Variants in N4BP2L2 observed in about 807,000 individuals in gnomAD.
The protein encoded by N4BP2L2 is NEDD4 binding protein 2 like 2, also known as NEDD4-binding protein 2-like 2.
A neutral mutation model predicts 56.2 loss-of-function variants in N4BP2L2; 50 were observed. The observed-to-expected ratio is 0.89, with a 90% CI of 0.71 to 1.13. The LOEUF is 1.13. Among genes scored for constraint, N4BP2L2 ranks in the 50% most tolerant of loss-of-function variants. N4BP2L2 has a pLI of 0.00. For synonymous variants in N4BP2L2, 203 were observed against 223.6 expected, an observed-to-expected ratio of 0.91 and a Z score of 0.82; for missense variants, 689 against 693.8, an observed-to-expected ratio of 0.99 and a Z score of 0.08.
chr13:32,439,841 T>C (rs535018718), intron 7 of N4BP2L2, among the ~76,000 whole-genome samples: 1 of 130,606 alleles, frequency 7.7e-6, no homozygotes. Context: ...TGAAACCCCA[T>C]CTCTATTAAG....
At chr13:32,505,513 T>C (rs2090791985), downstream of N4BP2L2, 1 of 152,222 alleles carries the variant, frequency 6.6e-6, no homozygotes, top group Non-Finnish European at 1.5e-5. Flanking sequence ...AATTCCTTCT[T>C]AAATTTCTCT....
intron 1 of N4BP2L2, among the ~76,000 whole-genome samples, chr13:32,537,340 C>A (rs779760248): frequency 5.9e-5 from 9 of 151,826 alleles, no homozygotes; most frequent in Non-Finnish European, 1.2e-4. Context: ...TTAAGTATGT[C>A]TGTAAAGTTG....
At chr13:32,510,288 A>G (rs2091567390), downstream of N4BP2L2, 1 of 152,100 alleles carries the variant, frequency 6.6e-6, no homozygotes, top group Admixed American at 6.5e-5. Context: ...AATCCAACTT[A>G]ACATAATTTA....
At chr13:32,435,549 T>C (rs575095886) in intron 9 of N4BP2L2, among the ~76,000 whole-genome samples, 7 of 152,260 alleles carry the variant, frequency 4.6e-5, no homozygotes, top group Admixed American at 1.3e-4. Flanking sequence ...TGCTGAATAA[T>C]TGAATGAATG....
chr13:32,435,431 G>A (rs577466696), intron 9 of N4BP2L2, among the ~76,000 whole-genome samples: 1 of 152,028 alleles, frequency 6.6e-6, no homozygotes, highest in African/African-American at 2.4e-5. Context: ...ACGGGGTTTT[G>A]CCATGTTGGC....
intron 3 of N4BP2L2, chr13:32,527,170 A>C: frequency 2.4e-6 from 1 of 425,524 alleles, no homozygotes; most frequent in East Asian, 4.2e-5. Flanking sequence ...ATACTGATAA[A>C]CTATTTACAG....
At chr13:32,530,325 T>C (rs1315583452) in intron 2 of N4BP2L2, among the ~76,000 whole-genome samples, 1 of 152,206 alleles carries the variant, frequency 6.6e-6, no homozygotes, top group Non-Finnish European at 1.5e-5. Context: ...AAGCTTTATT[T>C]TATGGACTTA....
At chr13:32,531,994 C>A (rs992222074) in intron 2 of N4BP2L2, among the ~76,000 whole-genome samples, 4 of 152,208 alleles carry the variant, frequency 2.6e-5, no homozygotes, top group African/African-American at 9.6e-5. Flanking sequence ...TTGACCTTTG[C>A]TTTTGGTCTT....
chr13:32,483,930 G>A (rs1171265070), intron 6 of N4BP2L2, among the ~76,000 whole-genome samples: 2 of 149,458 alleles, frequency 1.3e-5, no homozygotes, highest in Non-Finnish European at 3.0e-5. Context: ...GTTGCAGTGA[G>A]TCAAGATCAC....
exon 2 of N4BP2L2, chr13:32,536,883 T>C (rs752573978): frequency 1.9e-6 from 3 of 1,614,120 alleles, no homozygotes; most frequent in South Asian, 1.1e-5. Context: ...TTTCCAGTTT[T>C]CTCTTGGATT....
At chr13:32,509,018 CAAATCT>C (rs1593964075), downstream of N4BP2L2, 1 of 152,142 alleles carries the variant, frequency 6.6e-6, no homozygotes, top group South Asian at 2.1e-4. Flanking sequence ...TCATAAACCA[CAAATCT>C]AAAGACTACT....
At chr13:32,481,201 T>A (rs1163924941) in intron 6 of N4BP2L2, among the ~76,000 whole-genome samples, 2 of 151,230 alleles carry the variant, frequency 1.3e-5, no homozygotes, top group Non-Finnish European at 2.9e-5. Context: ...TAAATATCTT[T>A]AGGATTAAAA....
At chr13:32,529,787 G>A (rs1264800332) in intron 2 of N4BP2L2, among the ~76,000 whole-genome samples, 2 of 150,778 alleles carry the variant, frequency 1.3e-5, no homozygotes, top group Admixed American at 6.6e-5. Flanking sequence ...GTGCAGTGGT[G>A]TGATCTCGGC....
chr13:32,459,624 G>A (rs2079638997), intron 6 of N4BP2L2, among the ~76,000 whole-genome samples: 1 of 151,990 alleles, frequency 6.6e-6, no homozygotes, highest in African/African-American at 2.4e-5. Context: ...TATGAGATTG[G>A]ATCAGTAATA....
At chr13:32,526,928 ATG>A (rs1274439997) in intron 3 of N4BP2L2, 2 of 145,670 alleles carry the variant, frequency 1.4e-5, no homozygotes, top group East Asian at 2.1e-4. Flanking sequence ...AAATTGACCC[ATG>A]TCCGCTAAAA....
chr13:32,535,637 CAA>C (rs1566194948), intron 2 of N4BP2L2, 130 bp downstream of exon 2: 7 of 906,412 alleles, frequency 7.7e-6, no homozygotes, highest in Non-Finnish European at 1.1e-5. Context: ...CTCCTGAGCT[CAA>C]GTGACTGGTC....
rs183752936 is a variant in N4BP2L2 at position 32,435,079 on chromosome 13, T to C, written c.*21+1282A>G. Among the ~76,000 whole-genome samples the C allele has an allele frequency of 6.0e-4, 91 of 152,208 alleles. 1 individual carries two copies. In the South Asian group the frequency reaches 6.2e-3, roughly 10 times the overall value. ...GGAACTTCACTCACTATAATCTAAC[T>C]TCAGTCAGAGGTAGGCTAGAGGCTC... On this transcript the variant is annotated intron_variant, in intron 9 of 9. Transcript: ENST00000357505.
At chr13:32,456,206 C>T (rs1272519058) in intron 6 of N4BP2L2, among the ~76,000 whole-genome samples, 1 of 152,196 alleles carries the variant, frequency 6.6e-6, no homozygotes, top group East Asian at 1.9e-4. Context: ...CACAGTAAAC[C>T]TCATCACAAC....
chr13:32,475,201 A>C (rs1015085407), intron 6 of N4BP2L2, among the ~76,000 whole-genome samples: 1 of 152,238 alleles, frequency 6.6e-6, no homozygotes, highest in Non-Finnish European at 1.5e-5. Context: ...ATTTATCTGC[A>C]CACTCACTTA....
Sources: allele counts gnomAD v4.1 joint callset (sites outside exome capture counted in the v4.1 genomes callset), GRCh38; gene constraint gnomAD v4.1.1; transcripts MANE v1.5; gene names NCBI Gene and HGNC (gene_info 2026-07-23, HGNC 2026-07-21).